Variants in ODF2 observed in about 807,000 individuals in gnomAD.
ODF2 encodes outer dense fiber of sperm tails 2, also known as outer dense fiber protein 2.
ODF2 carries 47 observed loss-of-function variants against 110.2 expected under a neutral mutation model. That is an observed-to-expected ratio of 0.43 (90% CI 0.34 to 0.54). The LOEUF is 0.54. ODF2 is among the 20% of genes least tolerant of loss of function. The pLI, the probability that ODF2 is intolerant of heterozygous loss-of-function variation, is 0.03. For missense variants in ODF2, 812 were observed against 1,054.5 expected (o/e 0.77, Z 3.19); for synonymous variants, 352 against 397.7 (o/e 0.89, Z 1.37).
intron 4 of ODF2, among the ~76,000 whole-genome samples, chr9:128,464,993 C>T (rs1437997854): frequency 2.6e-5 from 4 of 152,160 alleles, no homozygotes; most frequent in Non-Finnish European, 5.9e-5. Flanking sequence ...CTGTGCCTGG[C>T]CTCCTTGGTA....
chr9:128,494,758 CT>C lies in ODF2; in HGVS notation c.1911+92del, dbSNP rs758470273. The C allele has an allele frequency of 3.4e-5, 55 of 1,609,752 alleles. No homozygotes were observed. The highest frequency in any genetic ancestry group is 4.2e-5 in the Non-Finnish European group (50 of 1,178,276). ...CTGCACGCCCCCCAAGGGAGGACTA[CT>C]TCCTTTTTCTTGGCTGCTGCTTTTT... is the stretch of plus-strand genomic sequence containing the variant. On this transcript the variant is annotated intron_variant, in intron 17 of 20. Coordinates refer to ENST00000604420, the Ensembl canonical transcript of ODF2. The surrounding 1 kb of genome is among the most constrained non-coding windows in gnomAD (Gnocchi z 4.6).
At chr9:128,484,558 C>G (rs1588921878) in intron 11 of ODF2, 143 bp from the exon 12 acceptor site, 1 of 842,106 alleles carries the variant, frequency 1.2e-6, no homozygotes, top group Non-Finnish European at 1.9e-6. Context: ...GAGCCTCTCA[C>G]ACAGCTAAGC....
chr9:128,459,679 C>T, intron 3 of ODF2, 22 bp downstream of exon 2: 1 of 1,583,658 alleles, frequency 6.3e-7, no homozygotes, highest in African/African-American at 1.3e-5. Flanking sequence ...ACTCACGTAG[C>T]AGCCCTCTTT....
chr9:128,497,470 T>TATATATAA (rs2132321302), intron 18 of ODF2: 1 of 102,518 alleles, frequency 9.8e-6, no homozygotes, highest in South Asian at 3.2e-4. Flanking sequence ...TATATATATA[T>TATATATAA]ATATATATAT....
intron 9 of ODF2, 92 bp from the exon 10 acceptor site, chr9:128,482,724 C>A: frequency 1.1e-6 from 1 of 906,676 alleles, no homozygotes. Flanking sequence ...ACCTTGGGCC[C>A]CAGTGGCCAG....
chr9:128,472,131 T>C (rs1425509770), intron 6 of ODF2, among the ~76,000 whole-genome samples: 2 of 151,984 alleles, frequency 1.3e-5, no homozygotes, highest in South Asian at 2.1e-4. Flanking sequence ...ATACAAAAAT[T>C]AAGCCGGGCG....
chr9:128,472,829 C>G, intron 6 of ODF2, 84 bp from the exon 7 acceptor site: 1 of 1,594,352 alleles, frequency 6.3e-7, no homozygotes, highest in South Asian at 1.1e-5. Context: ...GAGGTGAGCC[C>G]CCTAGGGCAT....
At chr9:128,473,779 A>G (rs908209068) in intron 8 of ODF2, 38 bp downstream of exon 8, 3 of 1,574,094 alleles carry the variant, frequency 1.9e-6, no homozygotes, top group East Asian at 4.5e-5. Flanking sequence ...CCAGCTCTGC[A>G]TGCCCATCCT....
intron 13 of ODF2, among the ~76,000 whole-genome samples, chr9:128,487,225 G>A (rs1355144443): frequency 6.6e-6 from 1 of 152,172 alleles, no homozygotes; most frequent in Non-Finnish European, 1.5e-5. Context: ...GGGATTACAG[G>A]TGTGAGCTGC....
exon 11 of ODF2, chr9:128,484,021 G>A: frequency 6.2e-6 from 10 of 1,613,258 alleles, no homozygotes; most frequent in Non-Finnish European, 8.5e-6. Flanking sequence ...GGTCCAAAGA[G>A]GCTGAGAACA....
intron 20 of ODF2, 60 bp downstream of exon 20, chr9:128,499,186 C>T: frequency 6.3e-7 from 1 of 1,598,928 alleles, no homozygotes; most frequent in Non-Finnish European, 8.5e-7. Context: ...TTCTGTGGGG[C>T]CTGTGGGCCA....
intron 3 of ODF2, 50 bp downstream of exon 2, chr9:128,459,707 T>G: frequency 6.9e-7 from 1 of 1,443,182 alleles, no homozygotes; most frequent in Non-Finnish European, 9.7e-7. Flanking sequence ...TTGCTAAAAA[T>G]GCTTTTGCAC....
At chr9:128,456,361 C>G in intron 1 of ODF2, 106 bp downstream of exon 1, 1 of 1,433,224 alleles carries the variant, frequency 7.0e-7, no homozygotes, top group Non-Finnish European at 9.1e-7. Flanking sequence ...CCGTCGGGTC[C>G]TGGGTTCCCC....
In ODF2 at chr9:128,492,605, C is replaced by T. The variant is rs1844823882; in HGVS notation, c.1647+69C>T. The T allele has an allele frequency of 2.6e-6, 4 of 1,521,494 alleles. No individual in the cohort carries two copies. In the East Asian group the frequency reaches 6.8e-5, roughly 26 times the overall value. The allele number at this position is 1,521,494 out of a possible 1,614,324, so 94.2% of individuals were successfully genotyped here. A position where few individuals can be genotyped will look rare whatever the true frequency, so the allele number is the denominator to read the frequency against. ...CTGCCCCCATCAGACTGGGGGCTCCCTACCAGGCCACTCCCAGGGAGGGTT... is the reference window on the plus strand; with the variant it reads ...CTGCCCCCATCAGACTGGGGGCTCCTTACCAGGCCACTCCCAGGGAGGGTT... On this transcript the variant is annotated intron_variant, in intron 15 of 20. Coordinates refer to ENST00000604420, the Ensembl canonical transcript of ODF2.
At chr9:128,498,237 GCA>G (rs1845992023) in intron 18 of ODF2, 174 bp from the exon 19 acceptor site, 2 of 919,674 alleles carry the variant, frequency 2.2e-6, no homozygotes, top group South Asian at 2.5e-5. Flanking sequence ...TGCTCCAGCT[GCA>G]CAGTTCTTTG....
At chr9:128,462,797 G>A (rs1836853291) in intron 4 of ODF2, among the ~76,000 whole-genome samples, 1 of 151,656 alleles carries the variant, frequency 6.6e-6, no homozygotes, top group African/African-American at 2.4e-5. Flanking sequence ...GTTTCACCGT[G>A]TTAGCCAGGA....
rs1472800894 is a variant in ODF2 at position 128,494,171 on chromosome 9, G to A, written c.1753-339G>A. The stretch of plus-strand genomic sequence containing the variant: ...CTTGGGCAAATGACTTAGCTCTCTT[G>A]ATGCTTACTATACTTGTATGGGGAC... On this transcript the variant is annotated intron_variant, in intron 16 of 20. Coordinates refer to ENST00000604420, the Ensembl canonical transcript of ODF2. The surrounding 1 kb of genome is among the most constrained non-coding windows in gnomAD (Gnocchi z 4.6). Among the ~76,000 whole-genome samples, 2 of 152,176 alleles carry A rather than the reference G, an allele frequency of 1.3e-5. No individual in the cohort carries two copies. Among genetic ancestry groups the A allele is most frequent in the Non-Finnish European group, 2.9e-5 (2 of 68,038 alleles).
chr9:128,488,911 G>A (rs1387436681), intron 14 of ODF2, among the ~76,000 whole-genome samples: 1 of 152,124 alleles, frequency 6.6e-6, no homozygotes, highest in Non-Finnish European at 1.5e-5. Flanking sequence ...GGAGGCTGAG[G>A]CAGGAGAATT....
exon 11 of ODF2, chr9:128,483,953 G>A: frequency 6.2e-7 from 1 of 1,613,296 alleles, no homozygotes; most frequent in Non-Finnish European, 8.5e-7. Context: ...AGCAAAGACA[G>A]CCTCTGAGCT....
Sources: allele counts gnomAD v4.1 joint callset (sites outside exome capture counted in the v4.1 genomes callset), GRCh38; gene constraint gnomAD v4.1.1; non-coding constraint Gnocchi (gnomAD v3.1); transcripts MANE v1.5; gene names NCBI Gene and HGNC (gene_info 2026-07-23, HGNC 2026-07-21).